Variants in KCNH1 observed in about 807,000 individuals in gnomAD.
The protein encoded by KCNH1 is voltage-gated delayed rectifier potassium channel KCNH1.
A neutral mutation model predicts 69.2 loss-of-function variants in KCNH1; 27 were observed. The ratio of observed to expected loss-of-function variants is 0.39; its 90% CI spans 0.29 to 0.54. The LOEUF is 0.54. Ranked by LOEUF, KCNH1 falls within the 20% of genes least tolerant of loss-of-function variation. The pLI is 0.68. For missense variants in KCNH1, 798 were observed against 1,261.6 expected, an observed-to-expected ratio of 0.63 and a Z score of 5.57; for synonymous variants, 456 against 487.7, an observed-to-expected ratio of 0.93 and a Z score of 0.86.
At chr1:210,966,096 T>C (rs1688394709) in intron 6 of KCNH1, among the ~76,000 whole-genome samples, 1 of 152,188 alleles carries the variant, frequency 6.6e-6, no homozygotes, top group Non-Finnish European at 1.5e-5. Flanking sequence ...TACAACCATC[T>C]GATCTTTGAC....
intron 1 of KCNH1, among the ~76,000 whole-genome samples, chr1:211,119,892 C>A (rs1300934068): frequency 6.6e-6 from 1 of 152,128 alleles, no homozygotes; most frequent in Non-Finnish European, 1.5e-5. Context: ...ACTCAAATAC[C>A]TCATTTACTG....
intron 5 of KCNH1, among the ~76,000 whole-genome samples, chr1:211,071,669 T>C (rs1690645933): frequency 6.6e-6 from 1 of 152,240 alleles, no homozygotes. Flanking sequence ...TAAAATAGAC[T>C]AGTGTCTACA....
At chr1:210,939,872 C>T (rs1159196874) in intron 6 of KCNH1, among the ~76,000 whole-genome samples, 1 of 152,146 alleles carries the variant, frequency 6.6e-6, no homozygotes, top group Non-Finnish European at 1.5e-5. Flanking sequence ...ACTGTGGATG[C>T]CCAATAAATG....
At chr1:210,804,480 G>A (rs1343146) in intron 7 of KCNH1, among the ~76,000 whole-genome samples, 107,144 of 152,154 alleles carry the variant, frequency 0.7, 38,129 homozygotes, top group African/African-American at 0.79. Context: ...TTGCGGGGGC[G>A]GGGTAAGTTG....
intron 7 of KCNH1, chr1:210,861,009 C>T: frequency 5.7e-6 from 6 of 1,058,096 alleles, no homozygotes; most frequent in Non-Finnish European, 8.9e-6. Context: ...CAAAGGTCAG[C>T]ATTGGGTTCT....
At chr1:210,925,901 TA>T (rs1282113812) in intron 6 of KCNH1, among the ~76,000 whole-genome samples, 3 of 152,094 alleles carry the variant, frequency 2.0e-5, no homozygotes, top group African/African-American at 7.2e-5. Flanking sequence ...CTATCCTCCC[TA>T]AAGGACCACA....
chr1:210,853,945 C>CCAAAAAAAAAAAAAAAAAAA (rs1685767087), intron 7 of KCNH1, among the ~76,000 whole-genome samples: 1 of 11,658 alleles, frequency 8.6e-5, no homozygotes, highest in Non-Finnish European at 2.0e-4. Flanking sequence ...TTTATCTAAG[C>CCAAAAAAAAAAAAAAAAAAA]CAAAAAAAAA....
intron 5 of KCNH1, among the ~76,000 whole-genome samples, chr1:211,032,381 T>C (rs1689804976): frequency 6.6e-6 from 1 of 152,306 alleles, no homozygotes; most frequent in Non-Finnish European, 1.5e-5. Flanking sequence ...AAGCTATCAA[T>C]GACTTTCTTC....
chr1:210,723,740 C>T (rs1388263142), intron 10 of KCNH1, among the ~76,000 whole-genome samples: 3 of 152,070 alleles, frequency 2.0e-5, no homozygotes, highest in Non-Finnish European at 2.9e-5. Flanking sequence ...AATTCTCAAA[C>T]AAAAAACAAG....
chr1:211,040,543 G>T (rs1331891829), intron 5 of KCNH1, among the ~76,000 whole-genome samples: 1 of 152,122 alleles, frequency 6.6e-6, no homozygotes, highest in Non-Finnish European at 1.5e-5. Flanking sequence ...GGCCTCCCTA[G>T]CCATGTGGAA....
chr1:210,807,006 C>CAA (rs138837046), intron 7 of KCNH1, among the ~76,000 whole-genome samples: 16,654 of 123,602 alleles, frequency 0.13, 1,345 homozygotes, highest in Non-Finnish European at 0.15. Context: ...GACTCCATCT[C>CAA]AAAAAAAAAA....
intron 5 of KCNH1, among the ~76,000 whole-genome samples, chr1:211,079,500 C>T (rs1690810131): frequency 6.6e-6 from 1 of 152,126 alleles, no homozygotes; most frequent in African/African-American, 2.4e-5. Flanking sequence ...CAAAGCCTGG[C>T]AGAAACACAA....
chr1:211,056,095 G>A (rs1690298684), intron 5 of KCNH1, among the ~76,000 whole-genome samples: 2 of 152,216 alleles, frequency 1.3e-5, no homozygotes, highest in Admixed American at 1.3e-4. Context: ...TCACAGTAGG[G>A]TAGAGTGCCA....
At chr1:211,063,459 G>A (rs538544113) in intron 5 of KCNH1, 103 of 152,290 alleles carry the variant, frequency 6.8e-4, no homozygotes, top group African/African-American at 2.0e-3. Context: ...GAGATGGTTC[G>A]GCCCGGTGCA....
chr1:210,740,807 A>C (rs1233050067), intron 10 of KCNH1, among the ~76,000 whole-genome samples: 1 of 151,394 alleles, frequency 6.6e-6, no homozygotes, highest in African/African-American at 2.4e-5. Context: ...TTTTAAATGT[A>C]AAAACAGAGA....
intron 6 of KCNH1, among the ~76,000 whole-genome samples, chr1:210,975,272 A>T (rs2102371344): frequency 6.6e-6 from 1 of 152,306 alleles, no homozygotes; most frequent in Middle Eastern, 3.4e-3. Flanking sequence ...TCTTTTCAAA[A>T]AACCAGCTCC....
chr1:210,996,253 A>G (rs1257280448), intron 6 of KCNH1, among the ~76,000 whole-genome samples: 1 of 152,160 alleles, frequency 6.6e-6, no homozygotes, highest in Non-Finnish European at 1.5e-5. Context: ...GGGGTGACAG[A>G]CAGCACCTGG....
At chr1:210,748,802 A>T (rs1683219845) in intron 10 of KCNH1, among the ~76,000 whole-genome samples, 1 of 151,932 alleles carries the variant, frequency 6.6e-6, no homozygotes, top group South Asian at 2.1e-4. Context: ...GCCTCCTGTC[A>T]CCCTTGAGTC....
intron 10 of KCNH1, among the ~76,000 whole-genome samples, chr1:210,733,554 T>C (rs1682797451): frequency 6.6e-6 from 1 of 152,210 alleles, no homozygotes; most frequent in South Asian, 2.1e-4. Flanking sequence ...ATTCCAGATA[T>C]CACCATGGTC....
Sources: gnomAD v4.1 joint callset for allele counts (sites outside exome capture counted in the v4.1 genomes callset) on GRCh38, gnomAD v4.1.1 for gene constraint, MANE v1.5 for transcripts, NCBI Gene and HGNC (gene_info 2026-07-23, HGNC 2026-07-21) for gene names.